Variants in GRIP2 observed in about 807,000 individuals in gnomAD.
GRIP2 encodes glutamate receptor interacting protein 2, also known as glutamate receptor-interacting protein 2.
In GRIP2, 58 loss-of-function variants were observed where a neutral mutation model predicts 108.3. The ratio of observed to expected loss-of-function variants is 0.54; its 90% CI spans 0.43 to 0.67. The LOEUF (loss-of-function observed/expected upper bound fraction) is 0.67. Among genes scored for constraint, GRIP2 ranks in the 30% least tolerant of loss-of-function variants. The pLI, the probability that GRIP2 is intolerant of heterozygous loss-of-function variation, is 0.00. For missense variants in GRIP2, 1,278 were observed against 1,430.6 expected (o/e 0.89, Z 1.72); for synonymous variants, 586 against 598.2 (o/e 0.98, Z 0.30).
the GRIP2 span, among the ~76,000 whole-genome samples, chr3:14,597,223 CA>C: frequency 6.6e-6 from 1 of 152,184 alleles, no homozygotes; most frequent in African/African-American, 2.4e-5. Flanking sequence ...AGGTGAAAAC[CA>C]CCTTCCAATA....
rs1701321613 is a variant in GRIP2 at position 14,490,903 on chromosome 3, T to C, written c.*2762A>G. 1 of 152,280 alleles carries C rather than the reference T, an allele frequency of 6.6e-6. No homozygotes were observed. The highest frequency in any genetic ancestry group is 6.5e-5 in the Admixed American group (1 of 15,292). The allele number at this position is 152,280 out of a possible 1,614,324, so 9.4% of individuals were successfully genotyped here. A position where few individuals can be genotyped will look rare whatever the true frequency, so the allele number is the denominator to read the frequency against. ...CCTCACCCTGGTCCCTCTATCCCGT[T>C]ACTCCCTTGTTTTCTTTGTTGCACT... On this transcript the variant is annotated 3_prime_UTR_variant, in exon 24 of 24. Coordinates refer to ENST00000621039, the MANE Select transcript of GRIP2 (RefSeq NM_001080423.4).
intron 1 of GRIP2, among the ~76,000 whole-genome samples, chr3:14,549,452 C>A (rs569097809): frequency 6.6e-6 from 1 of 152,212 alleles, no homozygotes; most frequent in Non-Finnish European, 1.5e-5. Context: ...AGTCTGGATG[C>A]GGCTTCAGTG....
chr3:14,581,182 G>A, the GRIP2 span, among the ~76,000 whole-genome samples: 1 of 152,182 alleles, frequency 6.6e-6, no homozygotes, highest in Non-Finnish European at 1.5e-5. Flanking sequence ...TCTTTCTGTG[G>A]AGAACTCTGA....
chr3:14,507,414 C>G lies in GRIP2; in HGVS notation c.2218+147G>C. 1 of 995,872 alleles carries G rather than the reference C, an allele frequency of 1.0e-6. No homozygotes were observed. Among genetic ancestry groups the G allele is most frequent in the Non-Finnish European group, 1.5e-6 (1 of 676,188 alleles). The allele number at this position is 995,872 out of a possible 1,614,324, so 61.7% of individuals were successfully genotyped here. On this transcript the variant is annotated intron_variant, in intron 18 of 23. Coordinates refer to ENST00000621039, the MANE Select transcript of GRIP2 (RefSeq NM_001080423.4). This position sits in a 1 kb window ranked among gnomAD's most constrained non-coding sequence, Gnocchi z 4.6. ...GGCCCTGGGCTCATCACTTCCCTCT[C>G]TGAGTCTTATCTTCTTTGCCATCGC...
At chr3:14,556,709 CTA>C (rs1393395321), upstream of GRIP2, among the ~76,000 whole-genome samples, 1 of 152,180 alleles carries the variant, frequency 6.6e-6, no homozygotes, top group African/African-American at 2.4e-5. Context: ...GTTTTGGGGA[CTA>C]TGTGTGAGTG....
chr3:14,530,911 A>G (rs573008436), intron 1 of GRIP2: 1 of 152,236 alleles, frequency 6.6e-6, no homozygotes, highest in Non-Finnish European at 1.5e-5. Flanking sequence ...CAATTACATC[A>G]TTATTGACTA....
intron 1 of GRIP2, among the ~76,000 whole-genome samples, chr3:14,552,353 C>T (rs984771834): frequency 3.9e-5 from 6 of 152,236 alleles, no homozygotes; most frequent in African/African-American, 1.4e-4. Context: ...GCAGACAAAG[C>T]TCAGGAGGGC....
At chr3:14,599,715 G>GTGTGTGTGTGTT in the GRIP2 span, among the ~76,000 whole-genome samples, 4 of 114,354 alleles carry the variant, frequency 3.5e-5, no homozygotes, top group African/African-American at 1.3e-4. Context: ...GTGTGTGTTT[G>GTGTGTGTGTGTT]TGTGTGTGTG....
rs1694094700 is a variant in GRIP2 at position 14,511,560 on chromosome 3, G to A, written c.1721-81C>T. On this transcript the variant is annotated intron_variant, in intron 14 of 23. Coordinates refer to ENST00000621039, the MANE Select transcript of GRIP2 (RefSeq NM_001080423.4). This position sits in a 1 kb window ranked among gnomAD's most constrained non-coding sequence, Gnocchi z 4.1. ...GGCGAAGCCCAGGGGTCTGAGTGTG[G>A]ACTCGGAGCCACTGGTCCTACTCAC... The A allele has an allele frequency of 7.4e-7, 1 of 1,349,648 alleles. No individual in the cohort carries two copies. The highest frequency in any genetic ancestry group is 1.0e-6 in the Non-Finnish European group (1 of 955,842). The allele number at this position is 1,349,648 out of a possible 1,614,324, so 83.6% of individuals were successfully genotyped here. A position where few individuals can be genotyped will look rare whatever the true frequency, so the allele number is the denominator to read the frequency against.
At chr3:14,566,651 G>A in the GRIP2 span, among the ~76,000 whole-genome samples, 6 of 152,300 alleles carry the variant, frequency 3.9e-5, no homozygotes, top group Admixed American at 2.0e-4. Flanking sequence ...TAAGCCATCC[G>A]TGTTGCTCAC....
Position 14,521,941 on chromosome 3 carries a change from T to TA in GRIP2, c.567-155_567-154insT. 3 of 643,714 alleles carry TA rather than the reference T, an allele frequency of 4.7e-6. No individual in the cohort carries two copies. The highest frequency in any genetic ancestry group is 5.0e-6 in the Non-Finnish European group (2 of 403,576). The allele number at this position is 643,714 out of a possible 1,614,324, so 39.9% of individuals were successfully genotyped here. On this transcript the variant is annotated intron_variant, in intron 6 of 23. Transcript: ENST00000621039. This position sits in a 1 kb window ranked among gnomAD's most constrained non-coding sequence, Gnocchi z 5.1. ...GGGGACGGGTGAAGGGGCGCATGAG[T>TA]GAGTGAAGGAATGAGCCACTCCAGG...
At chr3:14,530,012 T>C (rs1265714528) in intron 1 of GRIP2, among the ~76,000 whole-genome samples, 1 of 152,202 alleles carries the variant, frequency 6.6e-6, no homozygotes, top group Admixed American at 6.5e-5. Flanking sequence ...TAAATACCAA[T>C]CTTGGCTCAA....
intron 11 of GRIP2, 118 bp from the exon 12 acceptor site, chr3:14,514,596 T>A: frequency 9.9e-7 from 1 of 1,010,694 alleles, no homozygotes; most frequent in Non-Finnish European, 1.4e-6. Context: ...GTGGGAGCCC[T>A]GACTCAGTCT....
At chr3:14,535,504 T>C (rs1694813548) in intron 1 of GRIP2, among the ~76,000 whole-genome samples, 2 of 152,220 alleles carry the variant, frequency 1.3e-5, no homozygotes, top group South Asian at 4.1e-4. Context: ...TGGCTCCTAG[T>C]GATTAAGTGC....
chr3:14,545,117 C>T (rs1334178572), upstream of GRIP2, among the ~76,000 whole-genome samples: 1 of 152,240 alleles, frequency 6.6e-6, no homozygotes, highest in Non-Finnish European at 1.5e-5. Context: ...GCCGTGTGGA[C>T]AGGCCCAGGA....
chr3:14,566,469 G>A, the GRIP2 span, among the ~76,000 whole-genome samples: 26,268 of 152,230 alleles, frequency 0.17, 2,445 homozygotes, highest in Middle Eastern at 0.29. Context: ...TACCCACCAC[G>A]CTGTGGTCTG....
At chr3:14,506,345 C>T (rs1574996853) in intron 19 of GRIP2, among the ~76,000 whole-genome samples, 2 of 152,260 alleles carry the variant, frequency 1.3e-5, no homozygotes, top group East Asian at 1.9e-4. Flanking sequence ...CGGGTCTCAA[C>T]ATGCATTGGC....
chr3:14,491,495 C>T lies in GRIP2; in HGVS notation c.*2170G>A, dbSNP rs533026280. 1 of 152,242 alleles carries T rather than the reference C, an allele frequency of 6.6e-6. No individual in the cohort carries two copies. The highest frequency in any genetic ancestry group is 2.4e-5 in the African/African-American group (1 of 41,542). 9.4% of individuals were successfully genotyped at this position (152,242 alleles called of 1,614,324 possible). On this transcript the variant is annotated 3_prime_UTR_variant, in exon 24 of 24. Transcript: ENST00000621039. ...GGAAAGGTGTCAGGAAATTTCAAGT[C>T]GGGGATGAACCATCCCCATGAGAAG...
Position 14,521,531 on chromosome 3 carries a change from G to A in GRIP2, c.712+111C>T, listed in dbSNP as rs1025167555. 2 of 1,194,764 alleles carry A rather than the reference G, an allele frequency of 1.7e-6. No individual in the cohort carries two copies. Among genetic ancestry groups the A allele is most frequent in the African/African-American group, 1.5e-5 (1 of 64,720 alleles). The allele number at this position is 1,194,764 out of a possible 1,614,324, so 74.0% of individuals were successfully genotyped here. The stretch of plus-strand genomic sequence containing the variant: ...CCCAGAGAAGCTGTGACTGGCCCAA[G>A]GTCATAAGGTCATGCAGCCTTTGCA... On this transcript the variant is annotated intron_variant, in intron 7 of 23. Transcript: ENST00000621039. The surrounding 1 kb of genome is among the most constrained non-coding windows in gnomAD (Gnocchi z 5.1).
Sources: allele counts gnomAD v4.1 joint callset (sites outside exome capture counted in the v4.1 genomes callset), GRCh38; gene constraint gnomAD v4.1.1; non-coding constraint Gnocchi (gnomAD v3.1); transcripts MANE v1.5; gene names NCBI Gene and HGNC (gene_info 2026-07-23, HGNC 2026-07-21).